The following RSU1 variants were observed in gnomAD, a reference collection of about 807,000 sequenced individuals.
RSU1 encodes the protein rsu-1.
Under a neutral mutation model 31.1 loss-of-function variants are expected in RSU1, and 26 were observed. The ratio of observed to expected loss-of-function variants is 0.84; its 90% CI spans 0.61 to 1.16. The LOEUF is 1.16. RSU1 is among the 50% of genes most tolerant of loss of function. The pLI, the probability that RSU1 is intolerant of heterozygous loss-of-function variation, is 0.00. For missense variants in RSU1, 320 were observed against 339.1 expected, an observed-to-expected ratio of 0.94 and a Z score of 0.44; for synonymous variants, 164 against 136.3, an observed-to-expected ratio of 1.20 and a Z score of -1.41.
At chr10:16,636,028 G>A (rs1430826100) in intron 8 of RSU1, among the ~76,000 whole-genome samples, 1 of 152,158 alleles carries the variant, frequency 6.6e-6, no homozygotes, top group African/African-American at 2.4e-5. Context: ...AGTTTCCTGT[G>A]CTAGTCTCTT....
At chr10:16,669,357 C>T (rs185242400) in intron 8 of RSU1, among the ~76,000 whole-genome samples, 36 of 148,896 alleles carry the variant, frequency 2.4e-4, no homozygotes, top group African/African-American at 8.4e-4. Context: ...TTGAAATTAA[C>T]ATTTTCTGTT....
chr10:16,728,449 A>G lies in RSU1; in HGVS notation c.598+24090T>C, dbSNP rs117644490. On this transcript the variant is annotated intron_variant, in intron 7 of 8. Coordinates refer to ENST00000345264, the MANE Select transcript of RSU1 (RefSeq NM_012425.4). ...AATCAGGATCAGGAAGTGAGGCAGA[A>G]CCCTGCAGACCAGCCAGCTCATCCA... 5.9e-4 allele frequency among the ~76,000 whole-genome samples: 90 copies of G among 152,306 alleles called. 1 individual carries two copies. The East Asian group carries it at 0.017, about 29-fold the overall frequency.
intron 3 of RSU1, among the ~76,000 whole-genome samples, chr10:16,770,008 A>C (rs1446045083): frequency 1.3e-5 from 2 of 152,182 alleles, no homozygotes; most frequent in Non-Finnish European, 2.9e-5. Context: ...TAAGTCACTC[A>C]GTGGCAAATT....
intron 8 of RSU1, among the ~76,000 whole-genome samples, chr10:16,638,662 C>T (rs928263941): frequency 6.6e-6 from 1 of 152,124 alleles, no homozygotes; most frequent in African/African-American, 2.4e-5. Flanking sequence ...CTTTGCAAAC[C>T]CTAAGCTAAA....
intron 3 of RSU1, among the ~76,000 whole-genome samples, chr10:16,768,162 A>C (rs189260756): frequency 6.6e-6 from 1 of 152,194 alleles, no homozygotes; most frequent in Non-Finnish European, 1.5e-5. Context: ...CAAAGGAACT[A>C]AAGAGCAACG....
Position 16,723,737 on chromosome 10 carries a change from A to G in RSU1, c.599-28582T>C, listed in dbSNP as rs780705913. 1.0e-3 allele frequency among the ~76,000 whole-genome samples: 153 copies of G among 152,128 alleles called. 3 individuals carry two copies. The highest frequency in any genetic ancestry group is 1.8e-3 in the Non-Finnish European group (124 of 68,010). ...CAGGACAGTGGACAGCCAGGCCTGC[A>G]GGAAGATGGACTAGAGGGTGGAGGG... On this transcript the variant is annotated intron_variant, in intron 7 of 8. Transcript: ENST00000345264.
chr10:16,768,639 C>G (rs956943066), intron 3 of RSU1, among the ~76,000 whole-genome samples: 1 of 152,208 alleles, frequency 6.6e-6, no homozygotes, highest in Non-Finnish European at 1.5e-5. Flanking sequence ...AGAGACAAAT[C>G]TCAAAGTTTC....
At chr10:16,622,648 AAGCATATCAAACTG>A (rs1240287528) in intron 8 of RSU1, among the ~76,000 whole-genome samples, 5 of 152,212 alleles carry the variant, frequency 3.3e-5, no homozygotes, top group Admixed American at 6.5e-5. Flanking sequence ...GAGGAGAGAA[AAGCATATCAAACTG>A]AGCTCCCTGA....
At chr10:16,607,692 T>C (rs1211353196) in intron 8 of RSU1, among the ~76,000 whole-genome samples, 1 of 152,182 alleles carries the variant, frequency 6.6e-6, no homozygotes, top group Non-Finnish European at 1.5e-5. Flanking sequence ...CTGGTCAGGG[T>C]TGGGCATCTG....
At chr10:16,800,609 G>C (rs138174811) in intron 2 of RSU1, among the ~76,000 whole-genome samples, 1 of 152,260 alleles carries the variant, frequency 6.6e-6, no homozygotes, top group Admixed American at 6.5e-5. Context: ...TACAAAAGGC[G>C]TAACAGGCAT....
chr10:16,647,917 T>A (rs1048430899), intron 8 of RSU1, among the ~76,000 whole-genome samples: 1 of 152,074 alleles, frequency 6.6e-6, no homozygotes, highest in Non-Finnish European at 1.5e-5. Context: ...TAGGCAGGAA[T>A]TGGGATGACT....
intron 3 of RSU1, among the ~76,000 whole-genome samples, chr10:16,771,602 T>C (rs1407722453): frequency 6.6e-6 from 1 of 151,958 alleles, no homozygotes; most frequent in Non-Finnish European, 1.5e-5. Flanking sequence ...GCACTTTATA[T>C]GCCAAAAAAA....
intron 8 of RSU1, among the ~76,000 whole-genome samples, chr10:16,678,172 A>G (rs984675066): frequency 2.0e-5 from 3 of 152,176 alleles, no homozygotes; most frequent in South Asian, 2.1e-4. Context: ...TAACAAAACA[A>G]AACAAACCCA....
At position 16,732,075 on chromosome 10, in the gene RSU1, C is replaced by T. The variant is rs553684928; in HGVS notation, c.598+20464G>A. Among the ~76,000 whole-genome samples, 56 of 151,466 alleles carry T rather than the reference C, an allele frequency of 3.7e-4. No individual in the cohort carries two copies. The South Asian group carries it at 0.011, about 31-fold the overall frequency. On this transcript the variant is annotated intron_variant, in intron 7 of 8. Transcript: ENST00000345264. ...ATCAGTAGCTTCCACCAAACTGATG[C>T]CTCAGTATTACCCAACTAGTCACAG...
Position 16,593,206 on chromosome 10 carries a change from A to T in RSU1, c.*188T>A. 9.1e-7 allele frequency: 1 copy of T among 1,101,166 alleles called. No homozygotes were observed. Among genetic ancestry groups the T allele is most frequent in the South Asian group, 2.1e-5 (1 of 48,312 alleles). The allele number at this position is 1,101,166 out of a possible 1,614,324, so 68.2% of individuals were successfully genotyped here. A position where few individuals can be genotyped will look rare whatever the true frequency, so the allele number is the denominator to read the frequency against. On this transcript the variant is annotated 3_prime_UTR_variant, in exon 9 of 9. Coordinates refer to ENST00000345264, the MANE Select transcript of RSU1 (RefSeq NM_012425.4). Reference sequence around the variant, plus strand: ...AGAAACAAATGGAAATGGTTTAAAGACCTTATAACAATCTCCCACCTAGCA... The same window carrying T: ...AGAAACAAATGGAAATGGTTTAAAGTCCTTATAACAATCTCCCACCTAGCA...
rs1025375851 is a variant in RSU1 at position 16,751,190 on chromosome 10, GTT to G, written c.598+1347_598+1348del. On this transcript the variant is annotated intron_variant, in intron 7 of 8. Transcript: ENST00000345264. The stretch of plus-strand genomic sequence containing the variant: ...CCCGAGATCTCTCCTTTAACAAGAA[GTT>G]TTTTGCCTTGAAAATGTTTGCAAAA... Among the ~76,000 whole-genome samples, 7 of 152,188 alleles carry G rather than the reference GTT, an allele frequency of 4.6e-5. No individual in the cohort carries two copies. The South Asian group carries it at 1.5e-3, about 32-fold the overall frequency.
intron 7 of RSU1, among the ~76,000 whole-genome samples, chr10:16,737,851 T>C (rs992763250): frequency 1.3e-5 from 2 of 152,026 alleles, no homozygotes; most frequent in African/African-American, 2.4e-5. Context: ...AACTTTTAAG[T>C]GTGCATGTAA....
At chr10:16,602,606 A>G (rs1564282653) in intron 8 of RSU1, among the ~76,000 whole-genome samples, 1 of 152,216 alleles carries the variant, frequency 6.6e-6, no homozygotes, top group African/African-American at 2.4e-5. Context: ...ATTGTGTGCT[A>G]TGTAAATATT....
intron 7 of RSU1, among the ~76,000 whole-genome samples, chr10:16,744,602 A>T (rs1027660574): frequency 1.3e-5 from 2 of 152,224 alleles, no homozygotes; most frequent in Non-Finnish European, 2.9e-5. Context: ...CATATAAAGG[A>T]TGTCAAAAAG....
Sources: gnomAD v4.1 joint callset for allele counts (sites outside exome capture counted in the v4.1 genomes callset) on GRCh38, gnomAD v4.1.1 for gene constraint, MANE v1.5 for transcripts, NCBI Gene and HGNC (gene_info 2026-07-23, HGNC 2026-07-21) for gene names.